The following PALM2AKAP2 variants were observed in gnomAD, a reference collection of about 807,000 sequenced individuals.
PALM2AKAP2 encodes the protein PALM2-AKAP2 fusion protein.
A neutral mutation model predicts 71.5 loss-of-function variants in PALM2AKAP2; 37 were observed. The observed-to-expected ratio is 0.52, with a 90% confidence interval of 0.40 to 0.68. The LOEUF is 0.68. Ranked by LOEUF, PALM2AKAP2 falls within the 30% of genes least tolerant of loss-of-function variation. The probability of loss-of-function intolerance (pLI) is 0.00; values close to 1 mark genes in which losing one functional copy is unlikely to be tolerated. For missense variants in PALM2AKAP2, 1,224 were observed against 1,191.8 expected, an observed-to-expected ratio of 1.03 and a Z score of -0.40; for synonymous variants, 468 against 478.8, an observed-to-expected ratio of 0.98 and a Z score of 0.29.
intron 1 of PALM2AKAP2, among the ~76,000 whole-genome samples, chr9:109,861,846 A>G (rs1207483630): frequency 6.6e-6 from 1 of 152,192 alleles, no homozygotes; most frequent in African/African-American, 2.4e-5. Context: ...GTTTTTAATA[A>G]TGTATTTTGC....
At chr9:109,922,919 C>CATCGTGAG (rs1229333273) in intron 3 of PALM2AKAP2, among the ~76,000 whole-genome samples, 1 of 152,166 alleles carries the variant, frequency 6.6e-6, no homozygotes, top group Admixed American at 6.5e-5. Flanking sequence ...AATGGGGATT[C>CATCGTGAG]CCTACTCACA....
chr9:110,074,593 G>A (rs1396260069), intron 1 of PALM2AKAP2, among the ~76,000 whole-genome samples: 1 of 152,156 alleles, frequency 6.6e-6, no homozygotes, highest in African/African-American at 2.4e-5. Context: ...TAGGAATAAC[G>A]AGGCATTATG....
chr9:109,702,061 G>A (rs1259255458), intron 1 of PALM2AKAP2, among the ~76,000 whole-genome samples: 1 of 152,206 alleles, frequency 6.6e-6, no homozygotes, highest in Admixed American at 6.5e-5. Flanking sequence ...ACACCAGTTA[G>A]AATGGCAATC....
At chr9:109,921,877 T>C (rs564413417) in intron 3 of PALM2AKAP2, among the ~76,000 whole-genome samples, 3 of 152,282 alleles carry the variant, frequency 2.0e-5, no homozygotes, top group East Asian at 1.9e-4. Flanking sequence ...CTGTGTTCAT[T>C]TGGAGGAGGT....
At chr9:109,661,569 T>G (rs1259959863) in intron 1 of PALM2AKAP2, among the ~76,000 whole-genome samples, 1 of 152,210 alleles carries the variant, frequency 6.6e-6, no homozygotes, top group East Asian at 1.9e-4. Context: ...TACTGCAGCC[T>G]TGTAGTATAG....
At chr9:110,040,034 C>A (rs1833484324) in intron 7 of PALM2AKAP2, among the ~76,000 whole-genome samples, 1 of 151,410 alleles carries the variant, frequency 6.6e-6, no homozygotes, top group South Asian at 2.1e-4. Flanking sequence ...AAAGGAAGTA[C>A]AAATGAAGGA....
At chr9:109,923,887 A>C in intron 4 of PALM2AKAP2, 38 bp downstream of exon 4, 1 of 1,524,684 alleles carries the variant, frequency 6.6e-7, no homozygotes, top group Non-Finnish European at 8.8e-7. Context: ...AGTTATTTCC[A>C]TGGGGAAGTA....
At chr9:109,798,264 T>C (rs1368197171) in intron 1 of PALM2AKAP2, among the ~76,000 whole-genome samples, 1 of 152,208 alleles carries the variant, frequency 6.6e-6, no homozygotes, top group Non-Finnish European at 1.5e-5. Flanking sequence ...GACTCAGAAA[T>C]ATCCTGAGGT....
intron 3 of PALM2AKAP2, among the ~76,000 whole-genome samples, chr9:109,906,843 G>T (rs1433669334): frequency 6.6e-6 from 1 of 152,102 alleles, no homozygotes; most frequent in Non-Finnish European, 1.5e-5. Context: ...AACTCAAATG[G>T]CTTTCTGTTA....
intron 1 of PALM2AKAP2, among the ~76,000 whole-genome samples, chr9:109,754,178 G>A (rs117342720): frequency 6.6e-6 from 1 of 152,050 alleles, no homozygotes; most frequent in African/African-American, 2.4e-5. Flanking sequence ...ACCCTCTAAG[G>A]TATCCAAGGT....
chr9:110,070,230 C>G (rs1002626737), intron 1 of PALM2AKAP2, among the ~76,000 whole-genome samples: 2 of 152,196 alleles, frequency 1.3e-5, no homozygotes, highest in African/African-American at 4.8e-5. Flanking sequence ...CAAAGAAATG[C>G]AGTCTCAGAG....
At chr9:109,765,934 T>A (rs1829143850) in intron 1 of PALM2AKAP2, among the ~76,000 whole-genome samples, 1 of 152,186 alleles carries the variant, frequency 6.6e-6, no homozygotes, top group Non-Finnish European at 1.5e-5. Context: ...CCAATTGTGA[T>A]GGAGGCCACA....
intron 6 of PALM2AKAP2, among the ~76,000 whole-genome samples, chr9:109,965,215 G>A (rs567224002): frequency 6.6e-6 from 1 of 152,326 alleles, no homozygotes; most frequent in South Asian, 2.1e-4. Context: ...GATTTGTATG[G>A]AGAATAAAGT....
intron 3 of PALM2AKAP2, among the ~76,000 whole-genome samples, chr9:109,893,640 G>A (rs987320070): frequency 2.6e-5 from 4 of 152,080 alleles, no homozygotes; most frequent in Admixed American, 6.5e-5. Context: ...TAGAGATGGG[G>A]TTTCACCGTG....
At chr9:109,718,608 C>A (rs1828363493) in intron 1 of PALM2AKAP2, among the ~76,000 whole-genome samples, 1 of 151,834 alleles carries the variant, frequency 6.6e-6, no homozygotes, top group Non-Finnish European at 1.5e-5. Flanking sequence ...ACTAGATTTG[C>A]AGAAGAGTTG....
At chr9:109,778,414 A>C (rs2118782408), upstream of PALM2AKAP2, among the ~76,000 whole-genome samples, 1 of 152,266 alleles carries the variant, frequency 6.6e-6, no homozygotes, top group African/African-American at 2.4e-5. Flanking sequence ...TTGTGAGCAA[A>C]CCCCTTTAAA....
chr9:109,780,368 C>A, upstream of PALM2AKAP2: 1 of 1,587,574 alleles, frequency 6.3e-7, no homozygotes, highest in Non-Finnish European at 8.6e-7. Flanking sequence ...GATCCCCAGC[C>A]GTCCCTGGGC....
At chr9:109,728,189 A>G (rs1486831427) in intron 1 of PALM2AKAP2, among the ~76,000 whole-genome samples, 2 of 152,248 alleles carry the variant, frequency 1.3e-5, no homozygotes, top group Non-Finnish European at 2.9e-5. Context: ...AGGAAAATGG[A>G]CAGTCCTTAT....
chr9:110,028,947 GAAA>G (rs58707028), intron 7 of PALM2AKAP2, among the ~76,000 whole-genome samples: 1 of 113,948 alleles, frequency 8.8e-6, no homozygotes. Context: ...GGTTCTTTTT[GAAA>G]AAAAAAAAAA....
Sources: allele counts gnomAD v4.1 joint callset (sites outside exome capture counted in the v4.1 genomes callset), GRCh38; gene constraint gnomAD v4.1.1; transcripts MANE v1.5; gene names NCBI Gene and HGNC (gene_info 2026-07-23, HGNC 2026-07-21).